The following CLASP1 variants were observed in gnomAD, a reference collection of about 807,000 sequenced individuals.
The protein encoded by CLASP1 is cytoplasmic linker associated protein 1.
A neutral mutation model predicts 192.3 loss-of-function variants in CLASP1; 38 were observed. That is an observed-to-expected ratio of 0.20 (90% CI 0.15 to 0.26). The LOEUF is 0.26. Ranked by LOEUF, CLASP1 falls within the 10% of genes least tolerant of loss-of-function variation. The probability of loss-of-function intolerance (pLI) is 1.00; values close to 1 mark genes in which losing one functional copy is unlikely to be tolerated. For missense variants in CLASP1, 1,433 were observed against 1,932.5 expected (o/e 0.74, Z 4.85); for synonymous variants, 691 against 712.8 (o/e 0.97, Z 0.49).
chr2:121,431,662 ACT>A (rs1051562614), intron 19 of CLASP1, among the ~76,000 whole-genome samples: 1 of 151,854 alleles, frequency 6.6e-6, no homozygotes, highest in African/African-American at 2.4e-5. Context: ...AAAAATAAAA[ACT>A]CTCTTTGCTA....
chr2:121,620,649 T>C (rs779176833), intron 1 of CLASP1, among the ~76,000 whole-genome samples: 41 of 152,142 alleles, frequency 2.7e-4, no homozygotes, highest in Non-Finnish European at 5.4e-4. Flanking sequence ...CGCCCGGCCT[T>C]GACTTCTTTT....
chr2:121,482,371 G>T (rs756189999), intron 8 of CLASP1, among the ~76,000 whole-genome samples: 1 of 152,096 alleles, frequency 6.6e-6, no homozygotes, highest in Non-Finnish European at 1.5e-5. Context: ...AGGAGTTAGG[G>T]TTCCTGAAGT....
At position 121,387,209 on chromosome 2, in the gene CLASP1, A is replaced by C. The variant is rs761404442; in HGVS notation, c.3287T>G (p.Ile1096Ser). 6 of 1,604,438 alleles carry C rather than the reference A, an allele frequency of 3.7e-6. No individual in the cohort carries two copies. Among genetic ancestry groups the C allele is most frequent in the Non-Finnish European group, 4.3e-6 (5 of 1,176,448 alleles). ...GGTGTGTCGGGAGGGCGTCCGGCCA[A>C]TCGTATTGCTTGGAGAGCCCTGGGG... Residue 1096 changes from isoleucine (I) to serine (S), a missense_variant, in exon 32 of 40, where the codon ATT (isoleucine) becomes AGT (serine). This residue lies in a region of CLASP1 where 336 missense variants were observed against 358.0 expected (regional missense o/e 0.94). Transcript: ENST00000263710.
At chr2:121,542,852 CAT>C (rs1302860482) in intron 2 of CLASP1, among the ~76,000 whole-genome samples, 8 of 152,164 alleles carry the variant, frequency 5.3e-5, no homozygotes, top group Admixed American at 2.0e-4. Flanking sequence ...TTTTATTACA[CAT>C]GAGGCCAGCA....
intron 30 of CLASP1, among the ~76,000 whole-genome samples, chr2:121,388,491 C>T (rs1200982831): frequency 6.6e-6 from 1 of 152,168 alleles, no homozygotes; most frequent in Non-Finnish European, 1.5e-5. Context: ...GCTCTTCTGC[C>T]TTTTGGAAAA....
intron 8 of CLASP1, among the ~76,000 whole-genome samples, chr2:121,502,195 T>C (rs2093775676): frequency 6.6e-6 from 1 of 152,176 alleles, no homozygotes; most frequent in South Asian, 2.1e-4. Flanking sequence ...ATTACTTTAT[T>C]TATTCAACAA....
intron 2 of CLASP1, among the ~76,000 whole-genome samples, chr2:121,588,944 T>C (rs979630960): frequency 6.6e-6 from 1 of 152,310 alleles, no homozygotes; most frequent in Admixed American, 6.5e-5. Flanking sequence ...TGAGGGTTTA[T>C]GGGGATTGTT....
intron 2 of CLASP1, among the ~76,000 whole-genome samples, chr2:121,556,050 C>T (rs1398110129): frequency 8.4e-6 from 1 of 118,660 alleles, no homozygotes; most frequent in Non-Finnish European, 1.6e-5. Flanking sequence ...GTGGCATGAT[C>T]TCAGCTCACT....
intron 30 of CLASP1, among the ~76,000 whole-genome samples, chr2:121,394,063 C>T (rs560041111): frequency 2.8e-4 from 42 of 152,252 alleles, no homozygotes; most frequent in African/African-American, 1.0e-3. Flanking sequence ...GTAGTCAAGA[C>T]ACTAAGACGG....
At chr2:121,551,927 A>G (rs2058084660) in intron 2 of CLASP1, among the ~76,000 whole-genome samples, 1 of 152,258 alleles carries the variant, frequency 6.6e-6, no homozygotes, top group African/African-American at 2.4e-5. Context: ...GGCTGAAGGC[A>G]TCACATTACC....
chr2:121,414,290 G>C (rs1311024132), intron 23 of CLASP1, among the ~76,000 whole-genome samples, 87 bp from the exon 24 acceptor site: 2 of 152,206 alleles, frequency 1.3e-5, no homozygotes, highest in African/African-American at 4.8e-5. Context: ...GAAATGCAGA[G>C]ACTGCTACCA....
chr2:121,530,959 C>G (rs753681380), intron 2 of CLASP1: 5 of 700,416 alleles, frequency 7.1e-6, no homozygotes, highest in South Asian at 4.4e-5. Context: ...GAACAACACA[C>G]CCGCATCAAC....
intron 8 of CLASP1, among the ~76,000 whole-genome samples, chr2:121,478,950 CCACA>C (rs1439536309): frequency 3.8e-5 from 2 of 52,940 alleles, no homozygotes; most frequent in Non-Finnish European, 8.0e-5. Flanking sequence ...CACACACACA[CCACA>C]CACACACACC....
At chr2:121,430,794 A>G (rs1438733626) in intron 19 of CLASP1, among the ~76,000 whole-genome samples, 2 of 152,186 alleles carry the variant, frequency 1.3e-5, no homozygotes, top group African/African-American at 4.8e-5. Context: ...AAAGAGAGAT[A>G]CAGCTAAAAA....
At chr2:121,457,593 G>C in intron 14 of CLASP1, 94 bp downstream of exon 14, 2 of 914,840 alleles carry the variant, frequency 2.2e-6, no homozygotes, top group South Asian at 3.0e-5. Context: ...TACTAAGCAT[G>C]TTATACATGA....
At chr2:121,527,358 G>GA (rs1317865277) in intron 5 of CLASP1, among the ~76,000 whole-genome samples, 3 of 152,006 alleles carry the variant, frequency 2.0e-5, no homozygotes. Flanking sequence ...TATGCTGAGT[G>GA]AAAAAAAGAT....
At chr2:121,382,733 AAAG>A (rs999324136) in intron 32 of CLASP1, among the ~76,000 whole-genome samples, 2 of 152,334 alleles carry the variant, frequency 1.3e-5, no homozygotes, top group Admixed American at 1.3e-4. Context: ...AGAAAGAACC[AAAG>A]AAGAATCATG....
chr2:121,502,944 G>A (rs984286614), intron 8 of CLASP1, among the ~76,000 whole-genome samples: 5 of 152,190 alleles, frequency 3.3e-5, no homozygotes, highest in African/African-American at 1.2e-4. Flanking sequence ...AGTTTTAAAA[G>A]TAAAGCCAAC....
intron 37 of CLASP1, 89 bp downstream of exon 38, chr2:121,363,083 G>A (rs1003353624): frequency 1.3e-6 from 2 of 1,521,334 alleles, no homozygotes; most frequent in South Asian, 1.2e-5. Flanking sequence ...CTCTTAAGCT[G>A]TGCACTGATT....
Sources: allele counts gnomAD v4.1 joint callset (sites outside exome capture counted in the v4.1 genomes callset), GRCh38; gene constraint gnomAD v4.1.1; regional missense constraint gnomAD v4.1.1; transcripts MANE v1.5; gene names NCBI Gene and HGNC (gene_info 2026-07-23, HGNC 2026-07-21).